Variants in TBC1D5 observed in about 807,000 individuals in gnomAD.
TBC1D5 encodes TBC1 domain family member 5.
TBC1D5 carries 75 observed loss-of-function variants against 100.3 expected under a neutral mutation model. The observed-to-expected ratio is 0.75, with a 90% CI of 0.62 to 0.91. TBC1D5 has a LOEUF of 0.91. Ranked by LOEUF, TBC1D5 falls within the 40% of genes least tolerant of loss-of-function variation. The probability of loss-of-function intolerance (pLI) is 0.00; values close to 1 mark genes in which losing one functional copy is unlikely to be tolerated. For synonymous variants in TBC1D5, 323 were observed against 325.6 expected (o/e 0.99, Z 0.09); for missense variants, 910 against 942.4 (o/e 0.97, Z 0.45).
chr3:17,543,291 C>T (rs546882514), intron 2 of TBC1D5, among the ~76,000 whole-genome samples: 107 of 152,204 alleles, frequency 7.0e-4, no homozygotes, highest in Middle Eastern at 3.4e-3. Flanking sequence ...TTTGGGGTGG[C>T]GTTCCTAATC....
At chr3:17,353,969 C>A (rs2090927137) in intron 13 of TBC1D5, among the ~76,000 whole-genome samples, 1 of 151,990 alleles carries the variant, frequency 6.6e-6, no homozygotes, top group Non-Finnish European at 1.5e-5. Context: ...AATAGCATTC[C>A]ACGTTTTCTA....
intron 1 of TBC1D5, among the ~76,000 whole-genome samples, chr3:17,707,329 T>C (rs1195593624): frequency 6.6e-6 from 1 of 152,142 alleles, no homozygotes; most frequent in Non-Finnish European, 1.5e-5. Context: ...ATCCATTTTC[T>C]CTCTTCAATA....
At chr3:17,449,577 G>C (rs1174137773) in intron 3 of TBC1D5, among the ~76,000 whole-genome samples, 1 of 152,122 alleles carries the variant, frequency 6.6e-6, no homozygotes, top group Non-Finnish European at 1.5e-5. Flanking sequence ...ACTGAGGCTT[G>C]AGTAGGCAGT....
At chr3:17,288,905 G>A (rs775280859) in intron 15 of TBC1D5, among the ~76,000 whole-genome samples, 4 of 152,152 alleles carry the variant, frequency 2.6e-5, no homozygotes, top group Non-Finnish European at 5.9e-5. Flanking sequence ...CAGCAGCAAG[G>A]CCGAACCAGC....
chr3:17,297,571 T>TAA (rs35418915), intron 14 of TBC1D5, among the ~76,000 whole-genome samples: 2,994 of 137,230 alleles, frequency 0.022, 100 homozygotes, highest in African/African-American at 0.075. Context: ...GCGAGACTCC[T>TAA]AAAAAAAAAA....
intron 2 of TBC1D5, among the ~76,000 whole-genome samples, chr3:17,577,110 T>G (rs890180095): frequency 8.6e-5 from 13 of 151,976 alleles, no homozygotes; most frequent in Non-Finnish European, 1.5e-4. Context: ...TACAACCCAT[T>G]GAAAGTGGGG....
intron 1 of TBC1D5, among the ~76,000 whole-genome samples, chr3:17,698,081 C>A (rs1207051934): frequency 6.6e-6 from 1 of 151,906 alleles, no homozygotes; most frequent in Non-Finnish European, 1.5e-5. Context: ...GCCCACATTG[C>A]CAAGTCAATC....
chr3:17,454,384 C>CA (rs745348150), intron 3 of TBC1D5, among the ~76,000 whole-genome samples: 24 of 150,542 alleles, frequency 1.6e-4, no homozygotes, highest in Non-Finnish European at 2.5e-4. Flanking sequence ...AAAGACTCTA[C>CA]AAAAAAAAAC....
At chr3:17,715,901 A>G (rs1442666921) in intron 1 of TBC1D5, among the ~76,000 whole-genome samples, 1 of 152,076 alleles carries the variant, frequency 6.6e-6, no homozygotes, top group Non-Finnish European at 1.5e-5. Context: ...TACTAAAAAT[A>G]TTTAGCCAGA....
At chr3:17,719,637 G>T (rs576642552) in intron 1 of TBC1D5, among the ~76,000 whole-genome samples, 2 of 152,170 alleles carry the variant, frequency 1.3e-5, no homozygotes, top group East Asian at 3.9e-4. Flanking sequence ...GACTGACTTT[G>T]ATGCACAAAA....
intron 15 of TBC1D5, among the ~76,000 whole-genome samples, chr3:17,286,432 T>A (rs1433174177): frequency 6.6e-6 from 1 of 152,212 alleles, no homozygotes; most frequent in Admixed American, 6.5e-5. Flanking sequence ...ACAATGTTTT[T>A]TAATCACTTC....
intron 17 of TBC1D5, among the ~76,000 whole-genome samples, chr3:17,232,875 G>A (rs1365084499): frequency 6.6e-6 from 1 of 152,062 alleles, no homozygotes; most frequent in Non-Finnish European, 1.5e-5. Context: ...GAAAAACATG[G>A]TATGGATTTT....
intron 17 of TBC1D5, among the ~76,000 whole-genome samples, chr3:17,233,133 C>T (rs1310528009): frequency 1.3e-5 from 2 of 152,074 alleles, no homozygotes; most frequent in Non-Finnish European, 2.9e-5. Flanking sequence ...GATATTTAAA[C>T]ATTCTTTTTT....
At chr3:17,738,627 G>GT (rs1311416681) in intron 1 of TBC1D5, among the ~76,000 whole-genome samples, 4 of 152,108 alleles carry the variant, frequency 2.6e-5, no homozygotes, top group Non-Finnish European at 5.9e-5. Flanking sequence ...TGGGATAACC[G>GT]TAAGTAATGA....
exon 13 of TBC1D5, chr3:17,372,101 T>G (rs781694987): frequency 1.2e-6 from 2 of 1,612,590 alleles, no homozygotes; most frequent in South Asian, 2.2e-5. Context: ...GTGCAATTTC[T>G]AGTCTGTTCA....
At chr3:17,529,468 T>C (rs1667482700) in intron 2 of TBC1D5, among the ~76,000 whole-genome samples, 1 of 152,094 alleles carries the variant, frequency 6.6e-6, no homozygotes, top group Non-Finnish European at 1.5e-5. Flanking sequence ...TCCATCATTG[T>C]ACTTATCACA....
chr3:17,622,943 T>A (rs140977677), intron 2 of TBC1D5, among the ~76,000 whole-genome samples: 3 of 152,284 alleles, frequency 2.0e-5, no homozygotes, highest in African/African-American at 4.8e-5. Flanking sequence ...TAGCTACTGA[T>A]TCAAATTGCA....
At chr3:17,190,317 G>C (rs181776507) in intron 18 of TBC1D5, among the ~76,000 whole-genome samples, 14 of 152,220 alleles carry the variant, frequency 9.2e-5, no homozygotes, top group Admixed American at 2.0e-4. Flanking sequence ...AGAGACGTGA[G>C]AGAGGACTCC....
At chr3:17,370,469 T>C (rs2092395816) in intron 13 of TBC1D5, among the ~76,000 whole-genome samples, 1 of 152,160 alleles carries the variant, frequency 6.6e-6, no homozygotes, top group Non-Finnish European at 1.5e-5. Flanking sequence ...ATAAATGTAT[T>C]AGTTAGACTT....
Sources: gnomAD v4.1 joint callset for allele counts (sites outside exome capture counted in the v4.1 genomes callset) on GRCh38, gnomAD v4.1.1 for gene constraint, MANE v1.5 for transcripts, NCBI Gene and HGNC (gene_info 2026-07-23, HGNC 2026-07-21) for gene names.